The following RHBG variants were observed in gnomAD, a reference collection of about 807,000 sequenced individuals.
The protein encoded by RHBG is ammonium transporter Rh type B.
In RHBG, 39 loss-of-function variants were observed where a neutral mutation model predicts 40.1. The observed-to-expected ratio is 0.97, with a 90% CI of 0.75 to 1.27. The LOEUF (loss-of-function observed/expected upper bound fraction) is 1.27, where lower values mean the gene tolerates loss of function less well. RHBG is among the 50% of genes most tolerant of loss of function. The pLI, the probability that RHBG is intolerant of heterozygous loss-of-function variation, is 0.00. For synonymous variants in RHBG, 237 were observed against 252.5 expected, an observed-to-expected ratio of 0.94 and a Z score of 0.58; for missense variants, 549 against 588.1, an observed-to-expected ratio of 0.93 and a Z score of 0.69.
chr1:156,377,899 A>C lies in RHBG; in HGVS notation c.375-91A>C. ...GAACTCCAACCCCACCCCACCCACCACATCATGCTGTCCTGGCTTCATGCC... is the reference window on the plus strand; with the variant it reads ...GAACTCCAACCCCACCCCACCCACCCCATCATGCTGTCCTGGCTTCATGCC... On this transcript the variant is annotated intron_variant, in intron 2 of 9. Transcript: ENST00000537040. This position sits in a 1 kb window ranked among gnomAD's most constrained non-coding sequence, Gnocchi z 4.6. The C allele has an allele frequency of 1.1e-4, 99 of 939,728 alleles. No homozygotes were observed. Among genetic ancestry groups the C allele is most frequent in the Non-Finnish European group, 1.3e-4 (82 of 638,518 alleles). The allele number at this position is 939,728 out of a possible 1,614,324, so 58.2% of individuals were successfully genotyped here. A position where few individuals can be genotyped will look rare whatever the true frequency, so the allele number is the denominator to read the frequency against.
chr1:156,380,898 GTATTAT>G (rs757432518), intron 4 of RHBG, among the ~76,000 whole-genome samples: 1 of 151,562 alleles, frequency 6.6e-6, no homozygotes. Flanking sequence ...TGATGAGGTG[GTATTAT>G]TATTATTATT....
Position 156,384,475 on chromosome 1 carries a change from C to T in RHBG, c.1235-52C>T, listed in dbSNP as rs1571025515. ...CCCTGTGGCACTGGGTGGCACCCTC[C>T]TCCATGGTGGGGGGCAGAGAAGCCT... On this transcript the variant is annotated intron_variant, in intron 8 of 9. Transcript: ENST00000537040. 1.1e-5 allele frequency: 17 copies of T among 1,570,012 alleles called. 2 individuals carry two copies. In the Admixed American group the frequency reaches 2.7e-4, roughly 25 times the overall value.
At chr1:156,383,017 C>T (rs1245250288) in intron 8 of RHBG, 148 bp downstream of exon 8, 1 of 1,155,158 alleles carries the variant, frequency 8.7e-7, no homozygotes, top group Non-Finnish European at 1.2e-6. Context: ...CAACCTCCTG[C>T]AGGCACAGAG....
In RHBG at chr1:156,383,994, C is replaced by T. The variant is rs368787085; in HGVS notation, c.1235-533C>T. On this transcript the variant is annotated intron_variant, in intron 8 of 9. Coordinates refer to ENST00000537040, the MANE Select transcript of RHBG (RefSeq NM_020407.5). ...GATTACAGGCGACCCCCACCACACCCGGCTAATTTTTGTATTTTTAGTAGA... is the reference window on the plus strand; with the variant it reads ...GATTACAGGCGACCCCCACCACACCTGGCTAATTTTTGTATTTTTAGTAGA... Among the ~76,000 whole-genome samples, 8 of 151,418 alleles carry T rather than the reference C, an allele frequency of 5.3e-5. No individual in the cohort carries two copies. In the East Asian group the frequency reaches 9.8e-4, roughly 19 times the overall value.
intron 4 of RHBG, among the ~76,000 whole-genome samples, 194 bp from the exon 5 acceptor site, chr1:156,381,153 C>T (rs188709851): frequency 2.6e-5 from 4 of 152,304 alleles, no homozygotes; most frequent in East Asian, 3.9e-4. Context: ...CTGCCTGCCT[C>T]GGCCTCCCAA....
chr1:156,382,229 G>C, intron 7 of RHBG, 28 bp downstream of exon 7: 1 of 1,614,026 alleles, frequency 6.2e-7, no homozygotes, highest in Non-Finnish European at 8.5e-7. Flanking sequence ...CCGTACTGCA[G>C]TCGTCATCCA....
In RHBG at chr1:156,381,438, C is replaced by T. The variant is rs778682451; in HGVS notation, c.765C>T (p.Tyr255=). The change falls in exon 5 of 10, where the codon TAC becomes TAT. Residue 255 remains tyrosine (Y), a synonymous_variant. Coordinates refer to ENST00000537040, the MANE Select transcript of RHBG (RefSeq NM_020407.5). ...AGCATCGGACGGCCCTCAACACATACTACTCCCTGGCTGCCAGCACCCTTG... is the reference window on the plus strand; with the variant it reads ...AGCATCGGACGGCCCTCAACACATATTACTCCCTGGCTGCCAGCACCCTTG... ...AGQHRTALNT[Y]YSLAASTLGT... The T allele has an allele frequency of 1.2e-6, 2 of 1,614,134 alleles. No homozygotes were observed. The highest frequency in any genetic ancestry group is 1.1e-5 in the South Asian group (1 of 91,084).
chr1:156,382,376 C>CG (rs1667719628), intron 7 of RHBG, 175 bp downstream of exon 7: 1 of 819,322 alleles, frequency 1.2e-6, no homozygotes, highest in African/African-American at 1.7e-5. Flanking sequence ...TCCTGGTCCT[C>CG]TATCAAGTGC....
chr1:156,382,048 T>C lies in RHBG; in HGVS notation c.979-20T>C. On this transcript the variant is annotated intron_variant, in intron 6 of 9. Coordinates refer to ENST00000537040, the MANE Select transcript of RHBG (RefSeq NM_020407.5). ...GTGGGGAGTGGGCACAGGAGACTCATGATCTGTCTTGCCCTCCAGCCCATC... is the reference window on the plus strand; with the variant it reads ...GTGGGGAGTGGGCACAGGAGACTCACGATCTGTCTTGCCCTCCAGCCCATC... The C allele has an allele frequency of 6.2e-7, 1 of 1,611,094 alleles. No individual in the cohort carries two copies. The highest frequency in any genetic ancestry group is 8.5e-7 in the Non-Finnish European group (1 of 1,178,582).
chr1:156,369,428 G>C lies in RHBG; in HGVS notation c.179G>C (p.Arg60Pro). 6.2e-7 allele frequency: 1 copy of C among 1,611,790 alleles called. No homozygotes were observed. Among genetic ancestry groups the C allele is most frequent in the Non-Finnish European group, 8.5e-7 (1 of 1,178,896 alleles). The change falls in exon 1 of 10, where the codon CGC (arginine) becomes CCC (proline). Residue 60 changes from arginine (R) to proline (P), a missense_variant. Arg to Pro is a moderately radical substitution (Grantham distance 103, BLOSUM62 -2). Around this residue, in one of 3 missense-constraint regions of RHBG, gnomAD observed 99 missense variants for 85.2 expected, o/e 1.16. Transcript: ENST00000537040. ...HSNADNEFYF[R>P]YPSFQDVHAM... is the part of the protein sequence containing the mutation. The stretch of plus-strand genomic sequence containing the variant: ...AACGCGGACAATGAATTTTACTTTC[G>C]CTACCCAAGTGAGTGCGGGGTGAGG...
At chr1:156,375,470 A>G in intron 1 of RHBG, among the ~76,000 whole-genome samples, 1 of 143,364 alleles carries the variant, frequency 7.0e-6, no homozygotes, top group Non-Finnish European at 1.5e-5. Context: ...AAAAAAAAAA[A>G]GCATAAAAGC....
chr1:156,380,713 G>A (rs1667560795), intron 4 of RHBG, among the ~76,000 whole-genome samples: 1 of 118,566 alleles, frequency 8.4e-6, no homozygotes, highest in Admixed American at 9.3e-5. Flanking sequence ...GTGGTAGAGT[G>A]AGACCTTGTC....
In RHBG at chr1:156,381,616, A is replaced by G. The variant is rs546493895; in HGVS notation, c.840+103A>G. On this transcript the variant is annotated intron_variant, in intron 5 of 9. Transcript: ENST00000537040. Reference sequence around the variant, plus strand: ...ATTCTCCCGGGGAACAGATAAGGGCACAGGCATAGGGGCTCCATCTGTGCT... The same window carrying G: ...ATTCTCCCGGGGAACAGATAAGGGCGCAGGCATAGGGGCTCCATCTGTGCT... 5 of 1,443,288 alleles carry G rather than the reference A, an allele frequency of 3.5e-6. No individual in the cohort carries two copies. In the East Asian group the frequency reaches 9.1e-5, roughly 26 times the overall value. 89.4% of individuals were successfully genotyped at this position (1,443,288 alleles called of 1,614,324 possible). A position where few individuals can be genotyped will look rare whatever the true frequency, so the allele number is the denominator to read the frequency against.
At position 156,381,456 on chromosome 1, in the gene RHBG, C is replaced by T; in HGVS notation, c.783C>T (p.Ser261=). 1 of 1,613,980 alleles carries T rather than the reference C, an allele frequency of 6.2e-7. No homozygotes were observed. The highest frequency in any genetic ancestry group is 8.5e-7 in the Non-Finnish European group (1 of 1,179,916). The change falls in exon 5 of 10, where the codon AGC becomes AGT. Residue 261 remains serine, a synonymous_variant. Transcript: ENST00000537040. ...ACACATACTACTCCCTGGCTGCCAG[C>T]ACCCTTGGCACCTTTGCCTTGTCAG... The part of the protein sequence containing the change: ...ALNTYYSLAA[S]TLGTFALSAL...
At chr1:156,375,377 A>G (rs1479694468) in intron 1 of RHBG, among the ~76,000 whole-genome samples, 1 of 150,040 alleles carries the variant, frequency 6.7e-6, no homozygotes, top group Non-Finnish European at 1.5e-5. Flanking sequence ...CCAGCCTCAG[A>G]CCTCTAATTT....
chr1:156,381,868 G>A lies in RHBG; in HGVS notation c.903G>A (p.Met301Ile), dbSNP rs776985894. The A allele has an allele frequency of 4.4e-5, 71 of 1,601,962 alleles. No individual in the cohort carries two copies. Among genetic ancestry groups the A allele is most frequent in the African/African-American group, 6.8e-5 (5 of 73,840 alleles). ...GVVVGTSSEM[M>I]LTPFGALAAG... ...TGGTGGGGACCTCAAGTGAAATGAT[G>A]CTGACACCCTTTGGGGCTCTGGCAG... Residue 301 changes from methionine to isoleucine, a missense_variant, in exon 6 of 10, where the codon ATG (methionine) becomes ATA (isoleucine). Met to Ile is a conservative substitution (Grantham distance 10, BLOSUM62 1). Transcript: ENST00000537040.
chr1:156,377,950 T>C lies in RHBG; in HGVS notation c.375-40T>C. 1 of 1,505,958 alleles carries C rather than the reference T, an allele frequency of 6.6e-7. No individual in the cohort carries two copies. The highest frequency in any genetic ancestry group is 8.9e-7 in the Non-Finnish European group (1 of 1,124,014). 93.3% of individuals were successfully genotyped at this position (1,505,958 alleles called of 1,614,324 possible). On this transcript the variant is annotated intron_variant, in intron 2 of 9. Coordinates refer to ENST00000537040, the MANE Select transcript of RHBG (RefSeq NM_020407.5). The surrounding 1 kb of genome is among the most constrained non-coding windows in gnomAD (Gnocchi z 4.6). ...AGGCAGGAACCCCGAGGCCAGCCTC[T>C]CTGACCCCTCTTGTGCTCCCACTTC...
rs75420452 is a variant in RHBG, at chr1:156,377,795, C to G, written c.375-195C>G. Among the ~76,000 whole-genome samples the G allele has an allele frequency of 0.012, 1,788 of 152,254 alleles. 34 individuals are homozygous for G. The highest frequency in any genetic ancestry group is 0.041 in the African/African-American group (1,716 of 41,534). On this transcript the variant is annotated intron_variant, in intron 2 of 9. Transcript: ENST00000537040. The surrounding 1 kb of genome is among the most constrained non-coding windows in gnomAD (Gnocchi z 4.6). ...TGAGTCACAGAACCTCCTTGAGACT[C>G]GACTTCCTCATCTACAAACAGGGCC...
At chr1:156,373,126 A>G (rs4641304) in intron 1 of RHBG, among the ~76,000 whole-genome samples, 39,010 of 152,086 alleles carry the variant, frequency 0.26, 5,133 homozygotes, top group East Asian at 0.38. Flanking sequence ...CTTCTCTCCA[A>G]TCAAAGGTGC....
Sources: allele counts gnomAD v4.1 joint callset (sites outside exome capture counted in the v4.1 genomes callset), GRCh38; gene constraint gnomAD v4.1.1; regional missense constraint gnomAD v4.1.1; non-coding constraint Gnocchi (gnomAD v3.1); transcripts MANE v1.5; gene names NCBI Gene and HGNC (gene_info 2026-07-23, HGNC 2026-07-21).